ZDHHC24: variants seen among roughly 807,000 people sequenced by gnomAD.
The protein encoded by ZDHHC24 is probable palmitoyltransferase ZDHHC24.
A neutral mutation model predicts 23.2 loss-of-function variants in ZDHHC24; 17 were observed. That is an observed-to-expected ratio of 0.73 (90% CI 0.50 to 1.10). The LOEUF (loss-of-function observed/expected upper bound fraction) is 1.10. Ranked by LOEUF, ZDHHC24 falls within the 50% of genes least tolerant of loss-of-function variation. The probability of loss-of-function intolerance (pLI) is 0.00; values close to 1 mark genes in which losing one functional copy is unlikely to be tolerated. For synonymous variants in ZDHHC24, 186 were observed against 194.5 expected, an observed-to-expected ratio of 0.96 and a Z score of 0.36; for missense variants, 366 against 393.0, an observed-to-expected ratio of 0.93 and a Z score of 0.58.
chr11:66,528,989 A>C (rs917518184), intron 3 of ZDHHC24: 13 of 634,624 alleles, frequency 2.0e-5, no homozygotes, highest in Non-Finnish European at 2.5e-5. Flanking sequence ...AAAAAAAAAA[A>C]GGAAGAAAAT....
At chr11:66,543,342 G>A (rs1416610717) in intron 2 of ZDHHC24, among the ~76,000 whole-genome samples, 4 of 151,982 alleles carry the variant, frequency 2.6e-5, no homozygotes, top group Non-Finnish European at 5.9e-5. Context: ...TACCAATCTG[G>A]CCTTAATTCT....
chr11:66,522,922 G>A, intron 4 of ZDHHC24: 1 of 349,108 alleles, frequency 2.9e-6, no homozygotes, highest in Non-Finnish European at 5.6e-6. Flanking sequence ...GAACCAGTTG[G>A]TGAGAAAGTC....
In ZDHHC24 at chr11:66,539,248, T is replaced by G; in HGVS notation, c.*281A>C. On this transcript the variant is annotated 3_prime_UTR_variant, in exon 3 of 3. Transcript: ENST00000310442. ...TGAGGGGCCAGAAACTATGCAAAGA[T>G]GGAGGGAGGCTGAGAAACAAGTCAG... 5.2e-6 allele frequency: 6 copies of G among 1,153,758 alleles called. No individual in the cohort carries two copies. The highest frequency in any genetic ancestry group is 6.4e-6 in the Non-Finnish European group (6 of 938,402). 71.5% of individuals were successfully genotyped at this position (1,153,758 alleles called of 1,614,324 possible).
chr11:66,526,933 C>G, intron 4 of ZDHHC24: 1 of 1,596,570 alleles, frequency 6.3e-7, no homozygotes, highest in South Asian at 1.1e-5. Context: ...GTAGGTCACT[C>G]ACCTCTGCAA....
downstream of ZDHHC24, chr11:66,532,028 G>A (rs147783319): frequency 1.7e-5 from 27 of 1,604,370 alleles, no homozygotes; most frequent in Admixed American, 1.0e-4. Flanking sequence ...AGGGGCTGGC[G>A]GCCGCCTGAG....
At chr11:66,525,214 A>G (rs1304443585) in intron 4 of ZDHHC24, among the ~76,000 whole-genome samples, 2 of 147,356 alleles carry the variant, frequency 1.4e-5, no homozygotes, top group East Asian at 4.1e-4. Context: ...AAAAAAAAAA[A>G]GCCGGGTGTG....
chr11:66,543,983 T>G lies in ZDHHC24; in HGVS notation c.282-2A>C. ...TGGCTTTGGCATTGGTAGCAGTAAC[T>G]GCAGGAAGGAACCACAGCGTCAGTT... is the stretch of plus-strand genomic sequence containing the variant. On this transcript the variant is annotated splice_acceptor_variant, in intron 1 of 2. Coordinates refer to ENST00000310442, the MANE Select transcript of ZDHHC24 (RefSeq NM_207340.3). LOFTEE classifies it high-confidence loss of function. The G allele has an allele frequency of 6.2e-7, 1 of 1,612,524 alleles. No individual in the cohort carries two copies. Among genetic ancestry groups the G allele is most frequent in the Non-Finnish European group, 8.5e-7 (1 of 1,178,942 alleles).
intron 2 of ZDHHC24, among the ~76,000 whole-genome samples, chr11:66,542,052 C>T (rs943393598): frequency 2.0e-5 from 3 of 151,902 alleles, no homozygotes; most frequent in African/African-American, 7.3e-5. Flanking sequence ...GCACCAAATA[C>T]AAGAAGCTGG....
rs138227301 is a variant in ZDHHC24 at position 66,543,889 on chromosome 11, C to A, written c.374G>T (p.Arg125Leu). The change falls in exon 2 of 3, where the codon CGC (arginine) becomes CTC (leucine). Residue 125 changes from arginine (R) to leucine (L), a missense_variant. By Grantham distance (102) the Arg-to-Leu change is moderately radical (BLOSUM62 -2). Transcript: ENST00000310442. ...GAAGCCCACGCAGCGGCCCAGCAGG[C>A]GGCAGTGGTGGTCCCGACGCAGGAT... ...VCILRRDHHC[R>L]LLGRCVGFGN... The A allele has an allele frequency of 6.2e-7, 1 of 1,613,960 alleles. No homozygotes were observed. The highest frequency in any genetic ancestry group is 1.1e-5 in the South Asian group (1 of 91,062).
At chr11:66,532,022 G>A, downstream of ZDHHC24, 1 of 1,605,524 alleles carries the variant, frequency 6.2e-7, no homozygotes, top group Admixed American at 1.7e-5. Context: ...GGAGCGAGGG[G>A]CTGGCGGCCG....
chr11:66,523,941 G>GTGAGCA, intron 4 of ZDHHC24: 3 of 1,604,610 alleles, frequency 1.9e-6, no homozygotes, highest in Non-Finnish European at 2.5e-6. Flanking sequence ...TCACCTCTGG[G>GTGAGCA]GCTTCTTAGC....
chr11:66,525,793 C>T (rs1856464021), intron 4 of ZDHHC24, among the ~76,000 whole-genome samples: 1 of 152,146 alleles, frequency 6.6e-6, no homozygotes, highest in Non-Finnish European at 1.5e-5. Context: ...TGGAGGTTTT[C>T]TATCAGAGAC....
At position 66,524,327 on chromosome 11, in the gene ZDHHC24, A is replaced by G. The variant is rs1464534240; in HGVS notation, c.*21+2609T>C. On this transcript the variant is annotated intron_variant, in intron 4 of 4. Coordinates refer to the ZDHHC24 transcript ENST00000526986. Reference sequence around the variant, plus strand: ...GCACCTCATATGTACCAGTCACCATATTGGTAGGGGTGGGGGGTAAAATGA... The same window carrying G: ...GCACCTCATATGTACCAGTCACCATGTTGGTAGGGGTGGGGGGTAAAATGA... 3 of 285,976 alleles carry G rather than the reference A, an allele frequency of 1.0e-5. No homozygotes were observed. In the East Asian group the frequency reaches 2.9e-4, roughly 28 times the overall value. The allele number at this position is 285,976 out of a possible 1,614,324, so 17.7% of individuals were successfully genotyped here. A position where few individuals can be genotyped will look rare whatever the true frequency, so the allele number is the denominator to read the frequency against.
chr11:66,535,473 G>A (rs2134859065), downstream of ZDHHC24, among the ~76,000 whole-genome samples: 1 of 151,954 alleles, frequency 6.6e-6, no homozygotes, highest in Admixed American at 6.6e-5. Flanking sequence ...CCCAAAGTGT[G>A]GGATTACAGT....
rs921809595 is a variant in ZDHHC24, at chr11:66,539,461, A to G, written c.*68T>C. On this transcript the variant is annotated 3_prime_UTR_variant, in exon 3 of 3. Transcript: ENST00000310442. Reference sequence around the variant, plus strand: ...TGTTAAGGTCCAACCCGACTTCCTTACTGAGTCTAGGTGTGGGGGCCCCCC... The same window carrying G: ...TGTTAAGGTCCAACCCGACTTCCTTGCTGAGTCTAGGTGTGGGGGCCCCCC... 4.8e-6 allele frequency: 7 copies of G among 1,458,408 alleles called. No homozygotes were observed. The African/African-American group carries it at 7.1e-5, about 15-fold the overall frequency. The allele number at this position is 1,458,408 out of a possible 1,614,324, so 90.3% of individuals were successfully genotyped here.
At chr11:66,525,302 T>G (rs1856439687) in intron 4 of ZDHHC24, among the ~76,000 whole-genome samples, 1 of 151,824 alleles carries the variant, frequency 6.6e-6, no homozygotes, top group Non-Finnish European at 1.5e-5. Flanking sequence ...AAGGTTGCAG[T>G]GAACTGAGAT....
exon 5 of ZDHHC24, chr11:66,521,295 T>G (rs767109929): frequency 6.2e-7 from 1 of 1,614,090 alleles, no homozygotes; most frequent in Non-Finnish European, 8.5e-7. Flanking sequence ...GTCCCCGTCT[T>G]CCTAGAGGTT....
intron 2 of ZDHHC24, chr11:66,529,756 G>T (rs546774521): frequency 3.1e-5 from 50 of 1,597,156 alleles, no homozygotes; most frequent in Non-Finnish European, 4.1e-5. Flanking sequence ...GGAGTGCCCC[G>T]TTGCTGCCTC....
intron 4 of ZDHHC24, chr11:66,523,364 A>T (rs746512760): frequency 2.3e-4 from 368 of 1,571,664 alleles, no homozygotes; most frequent in Non-Finnish European, 3.1e-4. Context: ...TGTTCCTCCC[A>T]GGTGAGTCCA....
Sources: gnomAD v4.1 joint callset for allele counts (sites outside exome capture counted in the v4.1 genomes callset) on GRCh38, gnomAD v4.1.1 for gene constraint, MANE v1.5 for transcripts, NCBI Gene and HGNC (gene_info 2026-07-23, HGNC 2026-07-21) for gene names.